Variants in SH3BP2 observed in about 807,000 individuals in gnomAD.
The protein encoded by SH3BP2 is SH3 domain-binding protein 2.
Under a neutral mutation model 56.2 loss-of-function variants are expected in SH3BP2, and 38 were observed. The observed-to-expected ratio is 0.68, with a 90% CI of 0.52 to 0.89. SH3BP2 has a LOEUF of 0.89. SH3BP2 is among the 40% of genes least tolerant of loss of function. SH3BP2 has a pLI of 0.00. For missense variants in SH3BP2, 748 were observed against 762.6 expected (o/e 0.98, Z 0.23); for synonymous variants, 346 against 316.7 (o/e 1.09, Z -0.98).
intron 1 of SH3BP2, among the ~76,000 whole-genome samples, chr4:2,815,909 C>T (rs1442814387): frequency 6.6e-6 from 1 of 152,132 alleles, no homozygotes; most frequent in Non-Finnish European, 1.5e-5. Context: ...ACACAGGACT[C>T]CAGAGAGGTT....
At position 2,827,662 on chromosome 4, in the gene SH3BP2, G is replaced by A. The variant is rs765339575; in HGVS notation, c.574G>A (p.Gly192Arg). The change falls in exon 7 of 13, where the codon GGA (glycine) becomes AGA (arginine). Residue 192 changes from glycine (G) to arginine (R), a missense_variant. Physicochemically the swap from Gly to Arg is moderately radical, Grantham distance 125. Around this residue, in one of 3 missense-constraint regions of SH3BP2, gnomAD observed 635 missense variants for 615.0 expected, o/e 1.03. Transcript: ENST00000503393. ...SYLEPDSPEP[G>R]RLEDALMHPP... is the part of the protein sequence containing the mutation. Reference sequence around the variant, plus strand: ...CCTGGAGCCTGACTCCCCGGAGCCCGGAAGGCTTGAGGGTAGGTGGGGCGG... The same window carrying A: ...CCTGGAGCCTGACTCCCCGGAGCCCAGAAGGCTTGAGGGTAGGTGGGGCGG... 17 of 1,592,354 alleles carry A rather than the reference G, an allele frequency of 1.1e-5. No individual in the cohort carries two copies. Among genetic ancestry groups the A allele is most frequent in the Admixed American group, 1.8e-5 (1 of 57,034 alleles).
At chr4:2,823,423 C>T (rs367584125) in intron 3 of SH3BP2, 1 of 462,310 alleles carries the variant, frequency 2.2e-6, no homozygotes. Context: ...AGCCCAGGCC[C>T]TGTCCCAAAC....
At chr4:2,823,073 C>A in intron 3 of SH3BP2, 36 bp downstream of exon 3, 1 of 1,477,572 alleles carries the variant, frequency 6.8e-7, no homozygotes, top group Non-Finnish European at 9.4e-7. Flanking sequence ...CTCGGGCCCC[C>A]ACAGCCAGCG....
intron 8 of SH3BP2, 50 bp downstream of exon 8, chr4:2,830,197 G>A: frequency 6.5e-7 from 1 of 1,543,936 alleles, no homozygotes; most frequent in Non-Finnish European, 8.7e-7. Flanking sequence ...CAGGGACCCT[G>A]GCCTGGCCTC....
intron 7 of SH3BP2, among the ~76,000 whole-genome samples, chr4:2,827,995 C>G (rs1392948800): frequency 6.6e-6 from 1 of 152,156 alleles, no homozygotes; most frequent in Non-Finnish European, 1.5e-5. Context: ...AGGGCAGGTC[C>G]ATGTCCCCAT....
chr4:2,818,258 G>A, intron 1 of SH3BP2: 15 of 1,001,514 alleles, frequency 1.5e-5, no homozygotes, highest in Non-Finnish European at 1.8e-5. Context: ...CGGAGCTGGG[G>A]CCGGCGGGAG....
At chr4:2,830,960 G>A (rs907305757) in intron 8 of SH3BP2, among the ~76,000 whole-genome samples, 1 of 152,236 alleles carries the variant, frequency 6.6e-6, no homozygotes, top group African/African-American at 2.4e-5. Flanking sequence ...TGTCACACTC[G>A]TGGTTCTAGT....
At chr4:2,820,244 G>A (rs1724226748) in intron 1 of SH3BP2, among the ~76,000 whole-genome samples, 1 of 152,212 alleles carries the variant, frequency 6.6e-6, no homozygotes, top group Admixed American at 6.5e-5. Context: ...TATGGCCTGA[G>A]GTCTCACTTA....
In SH3BP2 at chr4:2,833,659, C is replaced by A. The variant is rs1725121476; in HGVS notation, c.1549-38C>A. The stretch of plus-strand genomic sequence containing the variant: ...CTGAGGCCTAGAGCCGCAGAGTGGC[C>A]TGGCCCTGCTGACGCTCCCCCTTCT... On this transcript the variant is annotated intron_variant, in intron 12 of 12. Transcript: ENST00000503393. 2.5e-6 allele frequency: 4 copies of A among 1,596,740 alleles called. No homozygotes were observed. The African/African-American group carries it at 5.4e-5, about 21-fold the overall frequency.
At chr4:2,795,724 C>T (rs940771793) in intron 1 of SH3BP2, among the ~76,000 whole-genome samples, 4 of 152,074 alleles carry the variant, frequency 2.6e-5, no homozygotes, top group Non-Finnish European at 4.4e-5. Context: ...AAGCCAAAGG[C>T]GGGCGGTAGG....
chr4:2,813,212 G>A (rs192917522), intron 1 of SH3BP2, among the ~76,000 whole-genome samples: 134 of 152,336 alleles, frequency 8.8e-4, no homozygotes, highest in Non-Finnish European at 1.5e-3. Context: ...GGTGGAAGCC[G>A]CCCCATCTGC....
At chr4:2,800,282 G>A (rs1194648523) in intron 1 of SH3BP2, among the ~76,000 whole-genome samples, 2 of 152,138 alleles carry the variant, frequency 1.3e-5, no homozygotes, top group Non-Finnish European at 2.9e-5. Flanking sequence ...GCAGACAGTG[G>A]CATGGTCCAG....
Position 2,824,649 on chromosome 4 carries a change from C to T in SH3BP2, c.276C>T (p.Asn92=), listed in dbSNP as rs140326137. 0.021 allele frequency: 34,305 copies of T among 1,613,440 alleles called. 463 individuals carry two copies. The highest frequency in any genetic ancestry group is 0.026 in the Non-Finnish European group (30,840 of 1,179,440). Residue 92 remains asparagine, a synonymous_variant, in exon 4 of 13, where the codon AAC becomes AAT. Transcript: ENST00000503393. ...CGGCTGAGGAGACCACGTCCAACAA[C>T]GTTTTCCCCTTCAAGATCATCCATA... The part of the protein sequence containing the change: ...MRAAEETTSN[N]VFPFKIIHIS...
rs1725138110 is a variant in SH3BP2, at chr4:2,833,864, C to CA, written c.*31dup. 3 of 1,541,110 alleles carry CA rather than the reference C, an allele frequency of 1.9e-6. No individual in the cohort carries two copies. Among genetic ancestry groups the CA allele is most frequent in the Non-Finnish European group, 2.6e-6 (3 of 1,144,560 alleles). ...AGTCCATGTGGCTGCCAGGCCAAGG[C>CA]AGTCACAGGGGCCCTGACCCCAGGC... On this transcript the variant is annotated 3_prime_UTR_variant, in exon 13 of 13. Transcript: ENST00000503393.
rs1364813200 is a variant in SH3BP2 at position 2,835,850 on chromosome 4, T to A, written c.*2016T>A. The A allele has an allele frequency of 6.6e-6, 1 of 152,200 alleles. No individual in the cohort carries two copies. The highest frequency in any genetic ancestry group is 1.9e-4 in the East Asian group (1 of 5,198). The allele number at this position is 152,200 out of a possible 1,614,324, so 9.4% of individuals were successfully genotyped here. ...CATGTTGGCCAGGCTGGTCTCGAAC[T>A]CCTGACCTCAGGTGATCTGCCCACC... is the stretch of plus-strand genomic sequence containing the variant. On this transcript the variant is annotated 3_prime_UTR_variant, in exon 13 of 13. Coordinates refer to ENST00000503393, the MANE Select transcript of SH3BP2 (RefSeq NM_001122681.2).
rs28507721 is a variant in SH3BP2, at chr4:2,818,442, C to T, written c.-4-2172C>T. On this transcript the variant is annotated intron_variant, in intron 1 of 12. Transcript: ENST00000503393. ...CCCCGGGACCCGGGCCGCGAGCTTCCGGCTCTGGACCCCGCACCCCGAGCC... is the reference window on the plus strand; with the variant it reads ...CCCCGGGACCCGGGCCGCGAGCTTCTGGCTCTGGACCCCGCACCCCGAGCC... The T allele has an allele frequency of 2.8e-5, 28 of 1,007,838 alleles. 1 individual carries two copies. The East Asian group carries it at 8.2e-4, about 29-fold the overall frequency. 62.4% of individuals were successfully genotyped at this position (1,007,838 alleles called of 1,614,324 possible).
intron 1 of SH3BP2, chr4:2,812,257 G>T: frequency 2.0e-6 from 3 of 1,535,920 alleles, no homozygotes; most frequent in African/African-American, 1.4e-5. Context: ...AGGAAGTCCC[G>T]GGTGGGGAGG....
chr4:2,825,831 T>C (rs1724585835), intron 5 of SH3BP2, among the ~76,000 whole-genome samples: 1 of 152,226 alleles, frequency 6.6e-6, no homozygotes, highest in Non-Finnish European at 1.5e-5. Context: ...ATGATTCTCC[T>C]GGCGGGGCGC....
At chr4:2,827,745 C>T in intron 7 of SH3BP2, 71 bp downstream of exon 7, 4 of 1,351,524 alleles carry the variant, frequency 3.0e-6, no homozygotes, top group Non-Finnish European at 4.1e-6. Flanking sequence ...GGAGCAGAGC[C>T]CCTCCGAGGC....
Sources: gnomAD v4.1 joint callset for allele counts (sites outside exome capture counted in the v4.1 genomes callset) on GRCh38, gnomAD v4.1.1 for gene constraint, gnomAD v4.1.1 regional missense constraint, MANE v1.5 for transcripts, NCBI Gene and HGNC (gene_info 2026-07-23, HGNC 2026-07-21) for gene names.